Variants in IFT80 observed in about 807,000 individuals in gnomAD.
IFT80 encodes intraflagellar transport 80.
In IFT80, 79 loss-of-function variants were observed where a neutral mutation model predicts 107.9. That is an observed-to-expected ratio of 0.73 (90% CI 0.61 to 0.88). IFT80 has a LOEUF of 0.88. IFT80 is among the 40% of genes least tolerant of loss of function. IFT80 has a pLI of 0.00. For missense variants in IFT80, 797 were observed against 914.2 expected (o/e 0.87, Z 1.65); for synonymous variants, 299 against 300.9 (o/e 0.99, Z 0.07).
At chr3:160,275,833 T>C (rs1021936518) in intron 18 of IFT80, among the ~76,000 whole-genome samples, 1 of 152,206 alleles carries the variant, frequency 6.6e-6, no homozygotes, top group African/African-American at 2.4e-5. Flanking sequence ...ATTTAAAAAA[T>C]ATTCACACTG....
intron 4 of IFT80, among the ~76,000 whole-genome samples, chr3:160,376,871 T>C (rs1278898775): frequency 6.6e-6 from 1 of 152,170 alleles, no homozygotes; most frequent in African/African-American, 2.4e-5. Flanking sequence ...TGGAAGTGGA[T>C]CCTCCAGCCC....
At chr3:160,313,423 T>A (rs1350703867) in intron 9 of IFT80, among the ~76,000 whole-genome samples, 2 of 151,854 alleles carry the variant, frequency 1.3e-5, no homozygotes, top group Non-Finnish European at 2.9e-5. Context: ...ATAGATAGAT[T>A]TCTTAAGATC....
At position 160,358,292 on chromosome 3, in the gene IFT80, C is replaced by T. The variant is rs144939304; in HGVS notation, c.550-714G>A. On this transcript the variant is annotated intron_variant, in intron 6 of 19. Coordinates refer to ENST00000326448, the MANE Select transcript of IFT80 (RefSeq NM_020800.3). ...CCTCCCAATGTGCGGGGATTACAGGCGTGAGCCACCATGTTCAGCCCCCCT... is the reference window on the plus strand; with the variant it reads ...CCTCCCAATGTGCGGGGATTACAGGTGTGAGCCACCATGTTCAGCCCCCCT... Among the ~76,000 whole-genome samples the T allele has an allele frequency of 2.4e-3, 361 of 151,994 alleles. 3 individuals carry two copies. Among genetic ancestry groups the T allele is most frequent in the African/African-American group, 8.0e-3 (332 of 41,458 alleles).
At chr3:160,341,936 T>C (rs1343411238) in intron 8 of IFT80, among the ~76,000 whole-genome samples, 1 of 152,152 alleles carries the variant, frequency 6.6e-6, no homozygotes, top group East Asian at 1.9e-4. Context: ...TCTACTTGCA[T>C]CAACTAAAAG....
At chr3:160,322,571 A>G (rs1280376983) in intron 8 of IFT80, among the ~76,000 whole-genome samples, 1 of 152,178 alleles carries the variant, frequency 6.6e-6, no homozygotes, top group South Asian at 2.1e-4. Context: ...TGGCTGGGTC[A>G]AATGGTATTT....
intron 2 of IFT80, among the ~76,000 whole-genome samples, chr3:160,382,104 G>C (rs1712564426): frequency 6.6e-6 from 1 of 152,206 alleles, no homozygotes; most frequent in East Asian, 1.9e-4. Flanking sequence ...AGGGAGCAAA[G>C]GGAACTATAC....
chr3:160,343,178 A>C (rs1576838909), intron 8 of IFT80, among the ~76,000 whole-genome samples: 1 of 152,356 alleles, frequency 6.6e-6, no homozygotes, highest in South Asian at 2.1e-4. Context: ...TTTAGGGCAC[A>C]TTAACTGATG....
chr3:160,294,156 AC>A (rs1715793139), intron 12 of IFT80, among the ~76,000 whole-genome samples: 2 of 152,004 alleles, frequency 1.3e-5, no homozygotes, highest in Admixed American at 6.6e-5. Context: ...GGGAACCCCC[AC>A]CCCCACAAAA....
Position 160,356,001 on chromosome 3 carries a change from A to G in IFT80, c.777+12T>C. The G allele has an allele frequency of 6.2e-7, 1 of 1,613,844 alleles. No individual in the cohort carries two copies. The highest frequency in any genetic ancestry group is 1.1e-5 in the South Asian group (1 of 91,074). Reference sequence around the variant, plus strand: ...GACAGCACATCTGTGATTGCTCACCACTATAACTTACCCCAGTTTTATCAC... The same window carrying G: ...GACAGCACATCTGTGATTGCTCACCGCTATAACTTACCCCAGTTTTATCAC... On this transcript the variant is annotated intron_variant, in intron 8 of 19. Transcript: ENST00000326448.
chr3:160,381,150 T>C (rs1053668878), intron 3 of IFT80, among the ~76,000 whole-genome samples: 2 of 149,644 alleles, frequency 1.3e-5, no homozygotes, highest in Admixed American at 6.7e-5. Context: ...GGCAGGAAGA[T>C]TGTGTGAGCC....
At chr3:160,318,009 G>A (rs1047561295) in intron 9 of IFT80, among the ~76,000 whole-genome samples, 1 of 151,262 alleles carries the variant, frequency 6.6e-6, no homozygotes, top group Non-Finnish European at 1.5e-5. Context: ...TAATGGTAGT[G>A]TGGTTATATT....
In IFT80 at chr3:160,258,495, G is replaced by A; in HGVS notation, c.*30C>T. 1 of 1,613,032 alleles carries A rather than the reference G, an allele frequency of 6.2e-7. No individual in the cohort carries two copies. Among genetic ancestry groups the A allele is most frequent in the Non-Finnish European group, 8.5e-7 (1 of 1,179,788 alleles). On this transcript the variant is annotated 3_prime_UTR_variant, in exon 20 of 20. Coordinates refer to ENST00000326448, the MANE Select transcript of IFT80 (RefSeq NM_020800.3). Reference sequence around the variant, plus strand: ...TGGTTAATCAGAACGTGTTTCAAAAGATAAAATTTCTTAAAGATACGCATG... The same window carrying A: ...TGGTTAATCAGAACGTGTTTCAAAAAATAAAATTTCTTAAAGATACGCATG...
At chr3:160,282,276 T>A (rs1267920960) in intron 14 of IFT80, among the ~76,000 whole-genome samples, 1 of 152,122 alleles carries the variant, frequency 6.6e-6, no homozygotes. Flanking sequence ...TGAGACCCTG[T>A]CTCAATAAAA....
intron 18 of IFT80, among the ~76,000 whole-genome samples, chr3:160,270,277 A>T (rs1363830382): frequency 6.6e-6 from 1 of 152,268 alleles, no homozygotes; most frequent in East Asian, 1.9e-4. Flanking sequence ...CTGGGATTAT[A>T]GCTGTGAGCC....
At chr3:160,377,592 C>T in intron 3 of IFT80, 52 bp from the exon 4 acceptor site, 1 of 1,046,600 alleles carries the variant, frequency 9.6e-7, no homozygotes, top group South Asian at 1.3e-5. Context: ...ATCAACAAAG[C>T]ACCTACTACT....
intron 5 of IFT80, among the ~76,000 whole-genome samples, chr3:160,367,941 C>T (rs947228283): frequency 6.6e-6 from 1 of 151,912 alleles, no homozygotes; most frequent in East Asian, 1.9e-4. Flanking sequence ...GCAGGTGAAT[C>T]AAGGTTATGT....
Position 160,258,305 on chromosome 3 carries a change from T to C in IFT80, c.*220A>G, listed in dbSNP as rs372842198. On this transcript the variant is annotated 3_prime_UTR_variant, in exon 20 of 20. Coordinates refer to ENST00000326448, the MANE Select transcript of IFT80 (RefSeq NM_020800.3). ...ACACAGGTATCTCTTAAGTACATAG[T>C]AATATTTTGCTAATTATTGGACTAA... The C allele has an allele frequency of 4.1e-5, 25 of 615,188 alleles. No homozygotes were observed. Among genetic ancestry groups the C allele is most frequent in the South Asian group, 3.0e-4 (15 of 49,420 alleles). 38.1% of individuals were successfully genotyped at this position (615,188 alleles called of 1,614,324 possible).
chr3:160,388,696 T>C (rs1214949026), intron 1 of IFT80, among the ~76,000 whole-genome samples: 1 of 151,718 alleles, frequency 6.6e-6, no homozygotes, highest in Non-Finnish European at 1.5e-5. Flanking sequence ...TAATGTTTCA[T>C]ATGGAAAGTA....
chr3:160,305,822 G>T (rs1716794779), intron 10 of IFT80, among the ~76,000 whole-genome samples: 1 of 152,018 alleles, frequency 6.6e-6, no homozygotes, highest in Non-Finnish European at 1.5e-5. Context: ...TTAAGAACTT[G>T]TATTCAAATC....
Sources: allele counts gnomAD v4.1 joint callset (sites outside exome capture counted in the v4.1 genomes callset), GRCh38; gene constraint gnomAD v4.1.1; transcripts MANE v1.5; gene names NCBI Gene and HGNC (gene_info 2026-07-23, HGNC 2026-07-21).